The following AFF3 variants were observed in gnomAD, a reference collection of about 807,000 sequenced individuals.
AFF3 encodes the protein AF4/FMR2 family member 3.
AFF3 carries 32 observed loss-of-function variants against 129.7 expected under a neutral mutation model. The ratio of observed to expected loss-of-function variants is 0.25; its 90% CI spans 0.19 to 0.33. The LOEUF (loss-of-function observed/expected upper bound fraction) is 0.33, where lower values mean the gene tolerates loss of function less well. AFF3 is among the 10% of genes least tolerant of loss of function. The pLI is 1.00. For missense variants in AFF3, 1,373 were observed against 1,592.0 expected, an observed-to-expected ratio of 0.86 and a Z score of 2.34; for synonymous variants, 644 against 635.4, an observed-to-expected ratio of 1.01 and a Z score of -0.20.
At chr2:99,648,909 A>ACTCT (rs1553416890) in intron 13 of AFF3, among the ~76,000 whole-genome samples, 2 of 43,010 alleles carry the variant, frequency 4.7e-5, no homozygotes, top group African/African-American at 6.3e-5. Flanking sequence ...ACACACACAC[A>ACTCT]CACACACACT....
At position 99,830,351 on chromosome 2, in the gene AFF3, G is replaced by A. The variant is rs139825876; in HGVS notation, c.921+7126C>T. 8.1e-3 allele frequency among the ~76,000 whole-genome samples: 1,232 copies of A among 152,318 alleles called. 30 individuals are homozygous for A. Among genetic ancestry groups the A allele is most frequent in the African/African-American group, 0.028 (1,171 of 41,554 alleles). On this transcript the variant is annotated intron_variant, in intron 8 of 24. Transcript: ENST00000672756. ...TAAGATAATTACTTACACCATTCTA[G>A]GTGAATCAGTGAGTGACTGCAGTTG...
intron 13 of AFF3, among the ~76,000 whole-genome samples, chr2:99,633,942 T>C (rs1683371089): frequency 7.5e-6 from 1 of 132,782 alleles, no homozygotes; most frequent in Admixed American, 9.0e-5. Context: ...TGAGATGGAG[T>C]CTCGCTCTGT....
chr2:99,843,097 A>G (rs1196582491), intron 7 of AFF3, among the ~76,000 whole-genome samples: 3 of 152,250 alleles, frequency 2.0e-5, no homozygotes, highest in South Asian at 4.1e-4. Flanking sequence ...TTCTTGATTT[A>G]TCACAAACCT....
intron 7 of AFF3, among the ~76,000 whole-genome samples, chr2:99,913,833 T>G (rs568999913): frequency 1.2e-3 from 185 of 151,918 alleles, no homozygotes; most frequent in African/African-American, 4.3e-3. Context: ...CAAAAAAAAA[T>G]GTGAATAATC....
At chr2:99,822,123 A>T (rs575606715) in intron 8 of AFF3, among the ~76,000 whole-genome samples, 1 of 152,172 alleles carries the variant, frequency 6.6e-6, no homozygotes, top group South Asian at 2.1e-4. Context: ...CGCTGTGTTA[A>T]CCTCTCTGCA....
At chr2:99,946,773 A>G (rs1675616163) in intron 7 of AFF3, among the ~76,000 whole-genome samples, 1 of 152,232 alleles carries the variant, frequency 6.6e-6, no homozygotes, top group Non-Finnish European at 1.5e-5. Context: ...GTTGTTGTGT[A>G]GGATAAGTCA....
chr2:99,967,064 T>C (rs917095364), intron 7 of AFF3, among the ~76,000 whole-genome samples: 3 of 152,220 alleles, frequency 2.0e-5, no homozygotes, highest in African/African-American at 7.2e-5. Context: ...ACTGTGTTTC[T>C]TGGACTCTGC....
chr2:99,804,838 A>G (rs1686218008), intron 8 of AFF3, among the ~76,000 whole-genome samples: 1 of 152,152 alleles, frequency 6.6e-6, no homozygotes, highest in African/African-American at 2.4e-5. Flanking sequence ...GGAATGGAAA[A>G]CCAAGTACCC....
chr2:99,938,231 G>A (rs1470869253), intron 7 of AFF3, among the ~76,000 whole-genome samples: 1 of 152,154 alleles, frequency 6.6e-6, no homozygotes, highest in Non-Finnish European at 1.5e-5. Context: ...TGTCTTCAAG[G>A]AAAATTTATA....
At chr2:99,761,066 C>G (rs948619474) in intron 8 of AFF3, among the ~76,000 whole-genome samples, 11 of 151,944 alleles carry the variant, frequency 7.2e-5, no homozygotes, top group Non-Finnish European at 1.5e-4. Context: ...CACTCCTTAG[C>G]CTTTTAGATA....
rs140311238 is a variant in AFF3 at position 99,731,160 on chromosome 2, G to A, written c.1040-4032C>T. 8.2e-3 allele frequency among the ~76,000 whole-genome samples: 1,251 copies of A among 152,020 alleles called. 10 individuals are homozygous for A. Among genetic ancestry groups the A allele is most frequent in the Non-Finnish European group, 0.013 (876 of 67,966 alleles). On this transcript the variant is annotated intron_variant, in intron 10 of 24. Transcript: ENST00000672756. ...TTTAGTAGAGATGGGGTTTCACCAT[G>A]TTGGCCAGGCTGCTCTCGAAATCCT... is the stretch of plus-strand genomic sequence containing the variant.
chr2:99,722,913 G>A (rs1406282214), intron 11 of AFF3, among the ~76,000 whole-genome samples: 1 of 152,158 alleles, frequency 6.6e-6, no homozygotes, highest in African/African-American at 2.4e-5. Context: ...ACTGGGGCAT[G>A]CCTTCATGGG....
chr2:99,855,060 G>C (rs1397458827), intron 7 of AFF3, among the ~76,000 whole-genome samples: 2 of 151,990 alleles, frequency 1.3e-5, no homozygotes, highest in African/African-American at 4.8e-5. Context: ...AGTAAACATC[G>C]GTGAAAATCT....
At chr2:99,841,704 C>T (rs1056233852) in intron 7 of AFF3, among the ~76,000 whole-genome samples, 2 of 152,182 alleles carry the variant, frequency 1.3e-5, no homozygotes, top group African/African-American at 4.8e-5. Flanking sequence ...AAGTCAATGA[C>T]TTTAACAGAT....
chr2:99,879,163 CTTT>C (rs772692189), intron 7 of AFF3, among the ~76,000 whole-genome samples: 2 of 152,134 alleles, frequency 1.3e-5, no homozygotes, highest in African/African-American at 2.4e-5. Flanking sequence ...AGATTGTATT[CTTT>C]AACAAAGATA....
chr2:99,808,775 G>A (rs1686556297), intron 8 of AFF3, among the ~76,000 whole-genome samples: 1 of 152,176 alleles, frequency 6.6e-6, no homozygotes, highest in South Asian at 2.1e-4. Context: ...TTTTCACATA[G>A]AGAAGCAGCC....
chr2:100,001,204 T>C (rs1457127450), intron 7 of AFF3, among the ~76,000 whole-genome samples: 2 of 152,176 alleles, frequency 1.3e-5, no homozygotes, highest in African/African-American at 4.8e-5. Flanking sequence ...CCCTCCACGC[T>C]TTCTGGTCAG....
chr2:100,016,417 G>T (rs898544663), intron 4 of AFF3, among the ~76,000 whole-genome samples: 29 of 121,016 alleles, frequency 2.4e-4, no homozygotes, highest in Non-Finnish European at 4.2e-4. Context: ...GGTCATGGTG[G>T]TAGTGGTGGC....
At chr2:99,991,128 C>T (rs1680300863) in intron 7 of AFF3, among the ~76,000 whole-genome samples, 2 of 152,074 alleles carry the variant, frequency 1.3e-5, no homozygotes, top group Non-Finnish European at 2.9e-5. Flanking sequence ...TGAGGTTTAC[C>T]CAAGCAGGGA....
Sources: gnomAD v4.1 joint callset for allele counts (sites outside exome capture counted in the v4.1 genomes callset) on GRCh38, gnomAD v4.1.1 for gene constraint, MANE v1.5 for transcripts, NCBI Gene and HGNC (gene_info 2026-07-23, HGNC 2026-07-21) for gene names.